Variants in HMGN5 observed in about 807,000 individuals in gnomAD.
HMGN5 encodes the protein high mobility group nucleosome-binding domain-containing protein 5.
HMGN5 carries 4 observed loss-of-function variants against 9.5 expected under a neutral mutation model. That is an observed-to-expected ratio of 0.42 (90% confidence interval 0.21 to 0.96). The LOEUF (loss-of-function observed/expected upper bound fraction) is 0.96. HMGN5 is among the 40% of genes least tolerant of loss of function. HMGN5 has a pLI of 0.30. For synonymous variants in HMGN5, 55 were observed against 57.1 expected, an observed-to-expected ratio of 0.96 and a Z score of 0.16; for missense variants, 192 against 187.5, an observed-to-expected ratio of 1.02 and a Z score of -0.14.
chrX:81,150,497 C>T (rs750255566), intron 1 of HMGN5, among the ~76,000 whole-genome samples: 3 of 111,407 alleles, frequency 2.7e-5, no homozygotes, highest in Middle Eastern at 4.6e-3. Context: ...ACCCAGGAGG[C>T]GGAGGTTGCA....
chrX:81,147,970 A>G (rs1602566507), intron 1 of HMGN5, among the ~76,000 whole-genome samples: 1 of 111,842 alleles, frequency 8.9e-6, no homozygotes, highest in East Asian at 2.8e-4. Context: ...CCACTGCTCA[A>G]GGAAATAAGA....
intron 1 of HMGN5, among the ~76,000 whole-genome samples, chrX:81,192,854 G>A (rs2075497701): frequency 9.1e-6 from 1 of 109,792 alleles, no homozygotes; most frequent in Admixed American, 9.7e-5. Context: ...CATTTGTTCT[G>A]ATGTACAGTC....
rs780469757 is a variant in HMGN5 at position 81,115,367 on chromosome X, G to A, written c.268-137C>T. ...TAAAGAAAGTAATTTTCCTGTGAAA[G>A]AAGCCTGCTAAATATCACATTATGA... On this transcript the variant is annotated intron_variant, in intron 6 of 6. Coordinates refer to ENST00000358130, the MANE Select transcript of HMGN5 (RefSeq NM_030763.3). 2.6e-3 allele frequency: 1,818 copies of A among 707,855 alleles called. 2 individuals carry two copies. The highest frequency in any genetic ancestry group is 0.014 in the Middle Eastern group (24 of 1,768). 58.3% of individuals were successfully genotyped at this position (707,855 alleles called of 1,213,427 possible). A position where few individuals can be genotyped will look rare whatever the true frequency, so the allele number is the denominator to read the frequency against.
At chrX:81,141,453 G>A (rs1203499570) in intron 1 of HMGN5, among the ~76,000 whole-genome samples, 1 of 89,350 alleles carries the variant, frequency 1.1e-5, no homozygotes, top group Non-Finnish European at 2.2e-5. Flanking sequence ...AGCTTCAAGT[G>A]ATGCAAAACA....
intron 1 of HMGN5, among the ~76,000 whole-genome samples, chrX:81,157,107 CT>C (rs1311718622): frequency 9.0e-6 from 1 of 111,531 alleles, no homozygotes; most frequent in East Asian, 2.8e-4. Flanking sequence ...GAGTCTGGGT[CT>C]GCTGGACCAT....
At chrX:81,160,396 C>T (rs1376329913) in intron 1 of HMGN5, among the ~76,000 whole-genome samples, 2 of 110,356 alleles carry the variant, frequency 1.8e-5, no homozygotes, top group Admixed American at 9.7e-5. Flanking sequence ...CTTTCAGTTC[C>T]AGGATGTGTA....
chrX:81,175,667 C>T (rs2075439552), intron 1 of HMGN5, among the ~76,000 whole-genome samples: 2 of 110,905 alleles, frequency 1.8e-5, no homozygotes, highest in South Asian at 3.8e-4. Context: ...GCCTTAGCTC[C>T]CGCAGCCTGT....
intron 1 of HMGN5, among the ~76,000 whole-genome samples, chrX:81,185,093 CTTTG>C (rs2075473642): frequency 9.0e-6 from 1 of 111,606 alleles, no homozygotes; most frequent in Non-Finnish European, 1.9e-5. Context: ...CTTAGAATAG[CTTTG>C]GCTATTCTGG....
At chrX:81,121,049 T>G (rs1175633252) in intron 2 of HMGN5, among the ~76,000 whole-genome samples, 7 of 96,344 alleles carry the variant, frequency 7.3e-5, no homozygotes, top group African/African-American at 1.2e-4. Context: ...TGACAAGAAG[T>G]GGAGGAGGAG....
chrX:81,177,926 A>G (rs1385288107), intron 1 of HMGN5, among the ~76,000 whole-genome samples: 4 of 112,261 alleles, frequency 3.6e-5, no homozygotes, highest in African/African-American at 1.3e-4. Flanking sequence ...AAAACTGCAC[A>G]GCTTCATGGA....
intron 1 of HMGN5, among the ~76,000 whole-genome samples, chrX:81,151,932 C>T (rs2075363860): frequency 9.0e-6 from 1 of 111,185 alleles, no homozygotes; most frequent in Non-Finnish European, 1.9e-5. Flanking sequence ...TAATTTAATA[C>T]CTTTTAATAT....
At chrX:81,155,088 T>C (rs2075379167) in intron 1 of HMGN5, among the ~76,000 whole-genome samples, 1 of 94,314 alleles carries the variant, frequency 1.1e-5, no homozygotes, top group Admixed American at 1.3e-4. Flanking sequence ...TATATATATA[T>C]ATATATATAT....
At chrX:81,134,330 AT>A (rs1304727576) in intron 1 of HMGN5, among the ~76,000 whole-genome samples, 1 of 111,385 alleles carries the variant, frequency 9.0e-6, no homozygotes, top group African/African-American at 3.3e-5. Context: ...TGGATATAAT[AT>A]TTGGCTTCTT....
chrX:81,197,215 G>A (rs749626159), intron 1 of HMGN5, among the ~76,000 whole-genome samples: 10 of 111,998 alleles, frequency 8.9e-5, no homozygotes, highest in East Asian at 5.6e-4. Flanking sequence ...AAATATGCTC[G>A]ACAGTGATTT....
At chrX:81,137,979 ACT>A (rs2147551496) in intron 1 of HMGN5, among the ~76,000 whole-genome samples, 1 of 111,420 alleles carries the variant, frequency 9.0e-6, no homozygotes, top group East Asian at 2.8e-4. Context: ...AAAATCACAC[ACT>A]CTAAAATCTC....
chrX:81,117,663 T>C (rs925145081), intron 5 of HMGN5, among the ~76,000 whole-genome samples: 50 of 111,617 alleles, frequency 4.5e-4, no homozygotes, highest in African/African-American at 1.5e-3. Flanking sequence ...AAAAACCTTC[T>C]TTTCTTTTGT....
At chrX:81,168,941 G>C (rs1165648450) in intron 1 of HMGN5, among the ~76,000 whole-genome samples, 5 of 110,963 alleles carry the variant, frequency 4.5e-5, no homozygotes, top group African/African-American at 1.6e-4. Flanking sequence ...GCTAGAGAGA[G>C]AGTTAGAAAT....
At chrX:81,186,316 G>T (rs1023900432) in intron 1 of HMGN5, among the ~76,000 whole-genome samples, 2 of 111,752 alleles carry the variant, frequency 1.8e-5, no homozygotes, top group Admixed American at 9.5e-5. Flanking sequence ...CCAGGTTTTG[G>T]ATTTATCCAT....
intron 1 of HMGN5, among the ~76,000 whole-genome samples, chrX:81,179,017 A>C (rs940023183): frequency 9.0e-6 from 1 of 111,457 alleles, no homozygotes; most frequent in Non-Finnish European, 1.9e-5. Context: ...CATGCTAAAA[A>C]CTCTCAATAA....
Sources: allele counts gnomAD v4.1 joint callset (sites outside exome capture counted in the v4.1 genomes callset), GRCh38; gene constraint gnomAD v4.1.1; transcripts MANE v1.5; gene names NCBI Gene and HGNC (gene_info 2026-07-23, HGNC 2026-07-21).